The following JAKMIP1 variants were observed in gnomAD, a reference collection of about 807,000 sequenced individuals.
JAKMIP1 encodes the protein janus kinase and microtubule interacting protein 1.
Under a neutral mutation model 113.0 loss-of-function variants are expected in JAKMIP1, and 33 were observed. That is an observed-to-expected ratio of 0.29 (90% CI 0.22 to 0.39). The LOEUF (loss-of-function observed/expected upper bound fraction) is 0.39. JAKMIP1 is among the 10% of genes least tolerant of loss of function. The probability of loss-of-function intolerance (pLI) is 1.00; values close to 1 mark genes in which losing one functional copy is unlikely to be tolerated. For synonymous variants in JAKMIP1, 480 were observed against 459.9 expected (o/e 1.04, Z -0.56); for missense variants, 813 against 1,080.5 (o/e 0.75, Z 3.47).
chr4:6,110,982 C>CT (rs1714840405), intron 2 of JAKMIP1, among the ~76,000 whole-genome samples: 1 of 151,920 alleles, frequency 6.6e-6, no homozygotes, highest in Non-Finnish European at 1.5e-5. Context: ...GCATCCATGT[C>CT]TAAAAGAGGC....
intron 1 of JAKMIP1, among the ~76,000 whole-genome samples, chr4:6,145,117 C>T (rs150724026): frequency 8.5e-5 from 13 of 152,162 alleles, no homozygotes; most frequent in African/African-American, 2.4e-4. Context: ...AGAAAACAAC[C>T]GGATATAGTC....
At position 6,040,423 on chromosome 4, in the gene JAKMIP1, C is replaced by T. The variant is rs1162720646; in HGVS notation, c.2175+216G>A. Among the ~76,000 whole-genome samples, 1 of 152,160 alleles carries T rather than the reference C, an allele frequency of 6.6e-6. No individual in the cohort carries two copies. The highest frequency in any genetic ancestry group is 1.5e-5 in the Non-Finnish European group (1 of 68,022). On this transcript the variant is annotated intron_variant, in intron 18 of 20. Transcript: ENST00000409021. This position sits in a 1 kb window ranked among gnomAD's most constrained non-coding sequence, Gnocchi z 5.8. ...AATTTAAGAAGCATGTCTAAGAAAA[C>T]CATTAAAGTAACTTTGAATATTTTT...
Position 6,141,157 on chromosome 4 carries a change from C to T in JAKMIP1, c.-147-28160G>A, listed in dbSNP as rs559438003. The stretch of plus-strand genomic sequence containing the variant: ...CAACATTTAAAGTGGTAGACGAGGC[C>T]GGGCGCAGTGGCTCATGCCTGTAAT... On this transcript the variant is annotated intron_variant, in intron 1 of 20. Transcript: ENST00000409021. The surrounding 1 kb of genome is among the most constrained non-coding windows in gnomAD (Gnocchi z 9.4). 1.3e-5 allele frequency among the ~76,000 whole-genome samples: 2 copies of T among 152,162 alleles called. No homozygotes were observed. Among genetic ancestry groups the T allele is most frequent in the East Asian group, 1.9e-4 (1 of 5,190 alleles).
intron 8 of JAKMIP1, among the ~76,000 whole-genome samples, chr4:6,072,845 G>A (rs891874692): frequency 5.3e-5 from 8 of 152,158 alleles, no homozygotes; most frequent in Non-Finnish European, 8.8e-5. Context: ...TTGGGAGGCC[G>A]AGGCAGGCAG....
intron 3 of JAKMIP1, among the ~76,000 whole-genome samples, chr4:6,101,847 A>C (rs2108866638): frequency 6.6e-6 from 1 of 150,876 alleles, no homozygotes; most frequent in Non-Finnish European, 1.5e-5. Context: ...CAGAAGTTGC[A>C]GTGAGTTGAG....
intron 1 of JAKMIP1, among the ~76,000 whole-genome samples, chr4:6,195,372 T>C (rs1423029447): frequency 6.6e-6 from 1 of 152,216 alleles, no homozygotes; most frequent in East Asian, 1.9e-4. Context: ...TGCCACTGAA[T>C]TGCACACTTA....
At chr4:6,117,130 C>T (rs1715906279) in intron 1 of JAKMIP1, among the ~76,000 whole-genome samples, 1 of 152,190 alleles carries the variant, frequency 6.6e-6, no homozygotes, top group Non-Finnish European at 1.5e-5. Context: ...GAGTTCAAGC[C>T]CTGCTCTGAG....
Position 6,044,552 on chromosome 4 carries a change from A to G in JAKMIP1, c.2029-2325T>C, listed in dbSNP as rs1395730183. ...AAGATGCGTGGTTTCTTAGAAACAG[A>G]TAAGCATATTTTGGATGGGGAGTTA... On this transcript the variant is annotated intron_variant, in intron 16 of 20. Transcript: ENST00000409021. This position sits in a 1 kb window ranked among gnomAD's most constrained non-coding sequence, Gnocchi z 4.4. 6.6e-6 allele frequency among the ~76,000 whole-genome samples: 1 copy of G among 152,158 alleles called. No individual in the cohort carries two copies. Among genetic ancestry groups the G allele is most frequent in the Non-Finnish European group, 1.5e-5 (1 of 68,020 alleles).
At chr4:6,102,907 G>A (rs1421651571) in intron 3 of JAKMIP1, among the ~76,000 whole-genome samples, 2 of 151,432 alleles carry the variant, frequency 1.3e-5, no homozygotes, top group African/African-American at 4.9e-5. Context: ...CTAATTTTTT[G>A]TATTTTTAGT....
Position 6,139,411 on chromosome 4 carries a change from T to A in JAKMIP1, c.-147-26414A>T, listed in dbSNP as rs1719767058. ...ATGGGAAACAGGGTCTTTACTGAGG[T>A]CATCTAATTGAGATGAAGTCAGGAG... On this transcript the variant is annotated intron_variant, in intron 1 of 20. Transcript: ENST00000409021. This position sits in a 1 kb window ranked among gnomAD's most constrained non-coding sequence, Gnocchi z 5.2. Among the ~76,000 whole-genome samples the A allele has an allele frequency of 6.6e-6, 1 of 152,064 alleles. No individual in the cohort carries two copies. Among genetic ancestry groups the A allele is most frequent in the African/African-American group, 2.4e-5 (1 of 41,356 alleles).
Position 6,081,788 on chromosome 4 carries a change from A to C in JAKMIP1, c.955-33T>G. The C allele has an allele frequency of 1.2e-6, 2 of 1,613,644 alleles. No individual in the cohort carries two copies. The highest frequency in any genetic ancestry group is 1.7e-6 in the Non-Finnish European group (2 of 1,179,756). ...TGGAAACAGACACAGAGGCTCAGAC[A>C]ACTTGACGACGGACGGCCGAGGTCA... On this transcript the variant is annotated intron_variant, in intron 5 of 20. Coordinates refer to ENST00000409021, the MANE Select transcript of JAKMIP1 (RefSeq NM_001099433.2). This position sits in a 1 kb window ranked among gnomAD's most constrained non-coding sequence, Gnocchi z 4.6.
chr4:6,036,900 G>A (rs1713520890), intron 18 of JAKMIP1, among the ~76,000 whole-genome samples: 1 of 152,216 alleles, frequency 6.6e-6, no homozygotes, highest in Non-Finnish European at 1.5e-5. Context: ...ATGGTACTGA[G>A]GCAGAGGTTA....
intron 2 of JAKMIP1, among the ~76,000 whole-genome samples, chr4:6,109,316 G>A (rs1714507358): frequency 6.6e-6 from 1 of 151,720 alleles, no homozygotes; most frequent in South Asian, 2.1e-4. Flanking sequence ...TATATTTTTA[G>A]TAGAGACAGA....
chr4:6,196,664 G>A (rs974487171), intron 1 of JAKMIP1, among the ~76,000 whole-genome samples: 3 of 152,176 alleles, frequency 2.0e-5, no homozygotes, highest in Non-Finnish European at 1.5e-5. Flanking sequence ...TTTGAGACCA[G>A]CCTGGTTAAC....
chr4:6,043,394 C>A (rs1480116864), intron 16 of JAKMIP1, among the ~76,000 whole-genome samples: 1 of 152,024 alleles, frequency 6.6e-6, no homozygotes, highest in Non-Finnish European at 1.5e-5. Flanking sequence ...ACCCCGCACT[C>A]GTGAGGTCCT....
At chr4:6,122,959 T>C (rs997171773) in intron 1 of JAKMIP1, among the ~76,000 whole-genome samples, 17 of 152,226 alleles carry the variant, frequency 1.1e-4, no homozygotes, top group Admixed American at 2.6e-4. Flanking sequence ...TTTTAAGGTA[T>C]TCAGAACAGG....
intron 2 of JAKMIP1, among the ~76,000 whole-genome samples, chr4:6,107,267 G>C (rs545538556): frequency 5.3e-5 from 8 of 152,316 alleles, no homozygotes; most frequent in African/African-American, 1.7e-4. Flanking sequence ...CGAGGCAACA[G>C]TCAAGTCCCT....
At chr4:6,054,680 G>A (rs2108772899) in intron 12 of JAKMIP1, 4 of 454,882 alleles carry the variant, frequency 8.8e-6, no homozygotes, top group South Asian at 1.6e-5. Flanking sequence ...TGTGGGAAGT[G>A]ACACCGCCTG....
intron 19 of JAKMIP1, among the ~76,000 whole-genome samples, chr4:6,032,515 T>C (rs1412578551): frequency 6.6e-6 from 1 of 152,214 alleles, no homozygotes; most frequent in Non-Finnish European, 1.5e-5. Context: ...ATCAATGACC[T>C]GTCCTCAAAG....
Sources: gnomAD v4.1 joint callset for allele counts (sites outside exome capture counted in the v4.1 genomes callset) on GRCh38, gnomAD v4.1.1 for gene constraint, Gnocchi (gnomAD v3.1) non-coding constraint, MANE v1.5 for transcripts, NCBI Gene and HGNC (gene_info 2026-07-23, HGNC 2026-07-21) for gene names.